Variants in TLE1 observed in about 807,000 individuals in gnomAD.
The protein encoded by TLE1 is TLE family member 1, transcriptional corepressor, also known as transducin-like enhancer protein 1.
A neutral mutation model predicts 89.8 loss-of-function variants in TLE1; 21 were observed. That is an observed-to-expected ratio of 0.23 (90% confidence interval 0.17 to 0.34). The LOEUF (loss-of-function observed/expected upper bound fraction) is 0.34, where lower values mean the gene tolerates loss of function less well. Among genes scored for constraint, TLE1 ranks in the 10% least tolerant of loss-of-function variants. The probability of loss-of-function intolerance (pLI) is 1.00; values close to 1 mark genes in which losing one functional copy is unlikely to be tolerated. For missense variants in TLE1, 795 were observed against 1,031.2 expected, an observed-to-expected ratio of 0.77 and a Z score of 3.14; for synonymous variants, 447 against 407.6, an observed-to-expected ratio of 1.10 and a Z score of -1.16.
intron 4 of TLE1, among the ~76,000 whole-genome samples, chr9:81,680,817 G>C (rs1833521966): frequency 6.6e-6 from 1 of 151,838 alleles, no homozygotes; most frequent in South Asian, 2.1e-4. Flanking sequence ...ACACCTGCTG[G>C]AGCTTAACTC....
chr9:81,600,445 G>A (rs1424013291), intron 14 of TLE1, among the ~76,000 whole-genome samples: 2 of 152,008 alleles, frequency 1.3e-5, no homozygotes, highest in East Asian at 3.9e-4. Context: ...GGAGTTTGAG[G>A]TCACCCTGGA....
At chr9:81,650,567 TATTTG>T (rs1829414268) in intron 6 of TLE1, among the ~76,000 whole-genome samples, 1 of 152,226 alleles carries the variant, frequency 6.6e-6, no homozygotes, top group Non-Finnish European at 1.5e-5. Flanking sequence ...TACCAGTGAA[TATTTG>T]ATTTGATCTC....
intron 6 of TLE1, among the ~76,000 whole-genome samples, chr9:81,647,629 A>G (rs1433150784): frequency 6.6e-6 from 1 of 152,202 alleles, no homozygotes; most frequent in Non-Finnish European, 1.5e-5. Context: ...GAAACCAGGC[A>G]GACAAAACTG....
Position 81,663,751 on chromosome 9 carries a change from C to T in TLE1, c.235-9715G>A, listed in dbSNP as rs186041132. Among the ~76,000 whole-genome samples, 12 of 151,908 alleles carry T rather than the reference C, an allele frequency of 7.9e-5. No homozygotes were observed. The East Asian group carries it at 1.6e-3, about 20-fold the overall frequency. On this transcript the variant is annotated intron_variant, in intron 4 of 19. Transcript: ENST00000376499. ...CATTCTCACGCCTGCCTCAGCCTCC[C>T]GAGTAGCTGGGACTACAGGCACCTG...
chr9:81,647,241 C>T (rs967587842), intron 6 of TLE1, among the ~76,000 whole-genome samples: 12 of 152,172 alleles, frequency 7.9e-5, no homozygotes, highest in Admixed American at 5.2e-4. Context: ...TCTCTCTTCC[C>T]TCCCAATTTT....
chr9:81,629,254 TAAA>T (rs1022671902), intron 8 of TLE1, among the ~76,000 whole-genome samples: 11 of 152,112 alleles, frequency 7.2e-5, no homozygotes, highest in African/African-American at 2.4e-4. Context: ...TTCAAGCAGA[TAAA>T]AATAGCATTC....
At chr9:81,665,476 ACT>A (rs1831341246) in intron 4 of TLE1, among the ~76,000 whole-genome samples, 2 of 151,144 alleles carry the variant, frequency 1.3e-5, no homozygotes, top group South Asian at 4.2e-4. Context: ...CATCTTTCAC[ACT>A]CGCAGTTCTC....
In TLE1 at chr9:81,652,271, G is replaced by A. The variant is rs1388079161; in HGVS notation, c.315C>T (p.Ala105=). Residue 105 remains alanine, a synonymous_variant, in exon 6 of 20, where the codon GCC becomes GCT. Transcript: ENST00000376499. ...FLSQEHQQQV[A]QAVERAKQVT... ...CCTGTTTGGCACGTTCAACAGCCTG[G>A]GCCACCTGTTGTTGATGCTTTGAAA... The A allele has an allele frequency of 3.7e-6, 6 of 1,613,758 alleles. No individual in the cohort carries two copies. Among genetic ancestry groups the A allele is most frequent in the South Asian group, 1.1e-5 (1 of 91,068 alleles).
chr9:81,590,411 T>G (rs1176967080), intron 16 of TLE1, among the ~76,000 whole-genome samples: 1 of 152,256 alleles, frequency 6.6e-6, no homozygotes, highest in African/African-American at 2.4e-5. Flanking sequence ...TTTTCTGTTA[T>G]CTTTTATCAG....
At position 81,593,208 on chromosome 9, in the gene TLE1, G is replaced by A. The variant is rs1829782860; in HGVS notation, c.1398C>T (p.Leu466=). The change falls in exon 15 of 20, where the codon CTC becomes CTT. Residue 466 remains leucine, a synonymous_variant. Coordinates refer to ENST00000376499, the MANE Select transcript of TLE1 (RefSeq NM_005077.5). ...MQPVPFPPDA[L]IGPGIPRHAR... Reference sequence around the variant, plus strand: ...CATGCCGGGGGATTCCGGGTCCGATGAGGGCGTCGGGGGGAAAAGGGACAG... The same window carrying A: ...CATGCCGGGGGATTCCGGGTCCGATAAGGGCGTCGGGGGGAAAAGGGACAG... The A allele has an allele frequency of 6.2e-7, 1 of 1,614,180 alleles. No individual in the cohort carries two copies. Among genetic ancestry groups the A allele is most frequent in the African/African-American group, 1.3e-5 (1 of 75,030 alleles).
intron 4 of TLE1, among the ~76,000 whole-genome samples, chr9:81,658,895 T>C (rs1027062275): frequency 1.3e-5 from 2 of 152,122 alleles, no homozygotes; most frequent in African/African-American, 2.4e-5. Flanking sequence ...ATTTTATTTA[T>C]GTATTTATTT....
At chr9:81,588,751 G>C (rs149874403) in intron 16 of TLE1, among the ~76,000 whole-genome samples, 6 of 152,234 alleles carry the variant, frequency 3.9e-5, no homozygotes, top group African/African-American at 1.4e-4. Flanking sequence ...GAGGCAGCCA[G>C]AAAAGGCGAG....
At chr9:81,686,818 G>A (rs1447670989) in intron 2 of TLE1, among the ~76,000 whole-genome samples, 2 of 152,162 alleles carry the variant, frequency 1.3e-5, no homozygotes, top group African/African-American at 4.8e-5. Flanking sequence ...GCCAAAGCAG[G>A]TGAGCTTTCT....
In TLE1 at chr9:81,630,971, C is replaced by A. The variant is rs1010203726; in HGVS notation, c.594+2377G>T. Among the ~76,000 whole-genome samples the A allele has an allele frequency of 1.3e-5, 2 of 152,210 alleles. 1 individual carries two copies. The highest frequency in any genetic ancestry group is 1.3e-4 in the Admixed American group (2 of 15,280). On this transcript the variant is annotated intron_variant, in intron 8 of 19. Coordinates refer to ENST00000376499, the MANE Select transcript of TLE1 (RefSeq NM_005077.5). Reference sequence around the variant, plus strand: ...ATTAGTGTAGTTTTCCCATTTTAATCATCATTGCCCAACAGTTTTCTGCAG... The same window carrying A: ...ATTAGTGTAGTTTTCCCATTTTAATAATCATTGCCCAACAGTTTTCTGCAG...
At chr9:81,603,194 T>G (rs1446561126) in intron 14 of TLE1, among the ~76,000 whole-genome samples, 2 of 152,180 alleles carry the variant, frequency 1.3e-5, no homozygotes, top group African/African-American at 4.8e-5. Flanking sequence ...CCTGCTTGAC[T>G]ATTCTCAATG....
chr9:81,633,465 C>A, intron 7 of TLE1, 101 bp from the exon 8 acceptor site: 7 of 1,570,232 alleles, frequency 4.5e-6, no homozygotes, highest in Non-Finnish European at 6.1e-6. Flanking sequence ...ACACAAGCCC[C>A]AAACAGTTTT....
intron 6 of TLE1, among the ~76,000 whole-genome samples, chr9:81,644,047 C>T (rs973172537): frequency 2.6e-5 from 4 of 152,178 alleles, no homozygotes; most frequent in Non-Finnish European, 5.9e-5. Context: ...ACGGGAGATG[C>T]GGCCTCACAC....
intron 6 of TLE1, among the ~76,000 whole-genome samples, chr9:81,637,950 C>CA: frequency 6.6e-6 from 1 of 152,274 alleles, no homozygotes; most frequent in South Asian, 2.1e-4. Context: ...ATGAGGGCTA[C>CA]AAACCTTTTG....
chr9:81,668,168 G>GAAAAAA (rs35867645), intron 4 of TLE1, among the ~76,000 whole-genome samples: 2 of 146,492 alleles, frequency 1.4e-5, no homozygotes, highest in African/African-American at 2.5e-5. Flanking sequence ...ACTGCATCTC[G>GAAAAAA]AAAAAAAAAA....
Sources: allele counts gnomAD v4.1 joint callset (sites outside exome capture counted in the v4.1 genomes callset), GRCh38; gene constraint gnomAD v4.1.1; transcripts MANE v1.5; gene names NCBI Gene and HGNC (gene_info 2026-07-23, HGNC 2026-07-21).